The following REELD1 variants were observed in gnomAD, a reference collection of about 807,000 sequenced individuals.
REELD1 encodes the protein reelin domain-containing protein 1.
In REELD1, 12 loss-of-function variants were observed where a neutral mutation model predicts 6.3. That is an observed-to-expected ratio of 1.89 (90% confidence interval 1.21 to 3.07). The LOEUF is 3.07. Among genes scored for constraint, REELD1 ranks in the 30% most tolerant of loss-of-function variants. The pLI, the probability that REELD1 is intolerant of heterozygous loss-of-function variation, is 0.00. For synonymous variants in REELD1, 57 were observed against 33.6 expected (o/e 1.70, Z -2.42); for missense variants, 163 against 86.8 (o/e 1.88, Z -3.49).
rs536282263 is a variant in REELD1 at position 146,230,199 on chromosome 4, C to T, written c.1267C>T (p.Arg423Trp). The T allele has an allele frequency of 3.2e-4, 127 of 398,800 alleles. No homozygotes were observed. The highest frequency in any genetic ancestry group is 2.8e-3 in the East Asian group (80 of 28,076). 24.7% of individuals were successfully genotyped at this position (398,800 alleles called of 1,614,324 possible). A position where few individuals can be genotyped will look rare whatever the true frequency, so the allele number is the denominator to read the frequency against. Residue 423 changes from arginine (R) to tryptophan (W), a missense_variant, in exon 8 of 8, where the codon CGG becomes TGG. Arg to Trp is a moderately radical substitution (Grantham distance 101). Coordinates refer to ENST00000623665, the MANE Select transcript of REELD1 (RefSeq NM_001354631.1). ...GGGATACCCTCGGCAGACCAACCCA[C>T]GGCCTGACATTGGGCTAGAGGGAGC... ...GVGYPRQTNPRPDIGLEGAQA... is the reference protein window; with the variant it reads ...GVGYPRQTNPWPDIGLEGAQA...
chr4:146,226,673 A>AAAGAG (rs1560726277), intron 5 of REELD1, among the ~76,000 whole-genome samples: 3 of 152,108 alleles, frequency 2.0e-5, no homozygotes, highest in Non-Finnish European at 4.4e-5. Context: ...TCTTTACACT[A>AAAGAG]TTGCATTGGG....
intron 4 of REELD1, among the ~76,000 whole-genome samples, chr4:146,223,452 C>T (rs553547635): frequency 3.6e-4 from 55 of 152,324 alleles, no homozygotes; most frequent in African/African-American, 1.2e-3. Context: ...GCCCAGGGCC[C>T]GCTTACCTGT....
rs188769264 is a variant in REELD1 at position 146,223,608 on chromosome 4, G to A, written c.432-837G>A. ...TTGGATGTACCATCATAGTTGCTGC[G>A]TGCCACATAGCAAGTAGTGTAGAAG... On this transcript the variant is annotated intron_variant, in intron 4 of 7. Coordinates refer to ENST00000623665, the MANE Select transcript of REELD1 (RefSeq NM_001354631.1). Among the ~76,000 whole-genome samples the A allele has an allele frequency of 1.7e-4, 26 of 152,300 alleles. No individual in the cohort carries two copies. In the East Asian group the frequency reaches 3.7e-3, roughly 21 times the overall value.
In REELD1 at chr4:146,231,622, G is replaced by A. The variant is rs79305644; in HGVS notation, c.*1109G>A. Among the ~76,000 whole-genome samples, 376 of 152,210 alleles carry A rather than the reference G, an allele frequency of 2.5e-3. 2 individuals carry two copies. Among genetic ancestry groups the A allele is most frequent in the African/African-American group, 7.9e-3 (330 of 41,516 alleles). Reference sequence around the variant, plus strand: ...CAGAAACAAAAATCACTACAAATTCGGAAAGGATATTTGTTTATTGAACAC... The same window carrying A: ...CAGAAACAAAAATCACTACAAATTCAGAAAGGATATTTGTTTATTGAACAC... On this transcript the variant is annotated 3_prime_UTR_variant, in exon 8 of 8. Transcript: ENST00000623665.
At position 146,230,577 on chromosome 4, in the gene REELD1, G is replaced by A; in HGVS notation, c.*64G>A. On this transcript the variant is annotated 3_prime_UTR_variant, in exon 8 of 8. Transcript: ENST00000623665. ...GGCCCTGGAGAGTGTCCCAGACAGA[G>A]CAGAGATAATGAGAATAACTGATGA... is the stretch of plus-strand genomic sequence containing the variant. 1 of 398,020 alleles carries A rather than the reference G, an allele frequency of 2.5e-6. No individual in the cohort carries two copies. 24.7% of individuals were successfully genotyped at this position (398,020 alleles called of 1,614,324 possible).
Position 146,229,894 on chromosome 4 carries a change from T to C in REELD1, c.973-11T>C, listed in dbSNP as rs1484720227. 1 of 398,502 alleles carries C rather than the reference T, an allele frequency of 2.5e-6. No individual in the cohort carries two copies. Among genetic ancestry groups the C allele is most frequent in the African/African-American group, 2.1e-5 (1 of 48,610 alleles). The allele number at this position is 398,502 out of a possible 1,614,324, so 24.7% of individuals were successfully genotyped here. A position where few individuals can be genotyped will look rare whatever the true frequency, so the allele number is the denominator to read the frequency against. On this transcript the variant is annotated splice_polypyrimidine_tract_variant and intron_variant, in intron 7 of 7. Coordinates refer to ENST00000623665, the MANE Select transcript of REELD1 (RefSeq NM_001354631.1). The stretch of plus-strand genomic sequence containing the variant: ...AGTACCTTTGACTCTTTTTTCCCTT[T>C]GTTTTTCTAGGACAAGACGAAGGCC...
At chr4:146,227,540 G>A (rs1380843993) in intron 5 of REELD1, among the ~76,000 whole-genome samples, 2 of 152,186 alleles carry the variant, frequency 1.3e-5, no homozygotes, top group Middle Eastern at 3.2e-3. Context: ...TCCTATGCTG[G>A]CCTCATTTTG....
rs973184941 is a variant in REELD1, at chr4:146,231,597, C to T, written c.*1084C>T. Among the ~76,000 whole-genome samples, 3 of 152,148 alleles carry T rather than the reference C, an allele frequency of 2.0e-5. No homozygotes were observed. Among genetic ancestry groups the T allele is most frequent in the Non-Finnish European group, 4.4e-5 (3 of 68,034 alleles). On this transcript the variant is annotated 3_prime_UTR_variant, in exon 8 of 8. Transcript: ENST00000623665. ...CTATTATAGAGTCATCATTTTAATG[C>T]AGAAACAAAAATCACTACAAATTCG...
At chr4:146,222,213 A>C (rs939166888) in intron 3 of REELD1, 144 bp from the exon 4 acceptor site, 6 of 396,948 alleles carry the variant, frequency 1.5e-5, no homozygotes, top group Non-Finnish European at 2.2e-5. Context: ...GGTGTGAAAT[A>C]GGACTTCAAC....
rs921069809 is a variant in REELD1, at chr4:146,231,250, A to G, written c.*737A>G. ...GGTGTAAATGGATCTGAGACCTCCC[A>G]TCCATTTACACTTGATGGAAACATT... On this transcript the variant is annotated 3_prime_UTR_variant, in exon 8 of 8. Transcript: ENST00000623665. Among the ~76,000 whole-genome samples the G allele has an allele frequency of 6.6e-6, 1 of 152,232 alleles. No homozygotes were observed. The highest frequency in any genetic ancestry group is 2.1e-4 in the South Asian group (1 of 4,832).
intron 5 of REELD1, among the ~76,000 whole-genome samples, chr4:146,227,251 G>A (rs572034134): frequency 6.6e-6 from 1 of 152,302 alleles, no homozygotes; most frequent in East Asian, 1.9e-4. Context: ...GAAACTATCA[G>A]TTTGCCATGT....
chr4:146,226,798 T>C (rs547668574), intron 5 of REELD1, among the ~76,000 whole-genome samples: 1 of 152,342 alleles, frequency 6.6e-6, no homozygotes, highest in Admixed American at 6.5e-5. Context: ...TGAGACAGAA[T>C]CTCTCTCTGC....
chr4:146,228,952 CTG>C, intron 6 of REELD1, 71 bp from the exon 7 acceptor site: 1 of 700,424 alleles, frequency 1.4e-6, no homozygotes, highest in East Asian at 2.7e-5. Context: ...GCATACACAA[CTG>C]TGGTAGGAAA....
At chr4:146,224,676 T>C in intron 5 of REELD1, 68 bp downstream of exon 5, 1 of 677,780 alleles carries the variant, frequency 1.5e-6, no homozygotes, top group Non-Finnish European at 2.7e-6. Context: ...TATTTTCACT[T>C]AAAAGTTACT....
chr4:146,230,108 C>T lies in REELD1; in HGVS notation c.1176C>T (p.Ala392=). The change falls in exon 8 of 8, where the codon GCC becomes GCT. Residue 392 remains alanine, a synonymous_variant. Transcript: ENST00000623665. ...GDQSEASRAS[A]SFLPQSKHKE... Reference sequence around the variant, plus strand: ...AGTCAGAGGCATCCAGGGCCTCTGCCAGCTTCTTACCTCAGTCAAAGCACA... The same window carrying T: ...AGTCAGAGGCATCCAGGGCCTCTGCTAGCTTCTTACCTCAGTCAAAGCACA... The T allele has an allele frequency of 2.5e-6, 1 of 398,868 alleles. No individual in the cohort carries two copies. Among genetic ancestry groups the T allele is most frequent in the Admixed American group, 4.4e-5 (1 of 22,742 alleles). The allele number at this position is 398,868 out of a possible 1,614,324, so 24.7% of individuals were successfully genotyped here. A position where few individuals can be genotyped will look rare whatever the true frequency, so the allele number is the denominator to read the frequency against.
chr4:146,216,006 C>T (rs1045445570), intron 2 of REELD1, among the ~76,000 whole-genome samples: 4 of 152,190 alleles, frequency 2.6e-5, no homozygotes, highest in African/African-American at 9.7e-5. Flanking sequence ...CTGCCTCGGC[C>T]TCCCAAAGTG....
chr4:146,229,171 A>G, intron 7 of REELD1, 83 bp downstream of exon 7: 1 of 673,660 alleles, frequency 1.5e-6, no homozygotes, highest in Non-Finnish European at 2.7e-6. Flanking sequence ...AATCAGAGCT[A>G]TTAGACTAGT....
At position 146,230,135 on chromosome 4, in the gene REELD1, G is replaced by A. The variant is rs955401044; in HGVS notation, c.1203G>A (p.Lys401=). 6 of 398,726 alleles carry A rather than the reference G, an allele frequency of 1.5e-5. No individual in the cohort carries two copies. Among genetic ancestry groups the A allele is most frequent in the Non-Finnish European group, 2.7e-5 (6 of 226,268 alleles). The allele number at this position is 398,726 out of a possible 1,614,324, so 24.7% of individuals were successfully genotyped here. A position where few individuals can be genotyped will look rare whatever the true frequency, so the allele number is the denominator to read the frequency against. The change falls in exon 8 of 8, where the codon AAG becomes AAA. Residue 401 remains lysine, a synonymous_variant. Coordinates refer to ENST00000623665, the MANE Select transcript of REELD1 (RefSeq NM_001354631.1). The part of the protein sequence containing the change: ...SASFLPQSKH[K]ELRAGKGNGE... ...GCTTCTTACCTCAGTCAAAGCACAAGGAGCTCAGAGCAGGGAAGGGAAATG... is the reference window on the plus strand; with the variant it reads ...GCTTCTTACCTCAGTCAAAGCACAAAGAGCTCAGAGCAGGGAAGGGAAATG...
rs76256963 is a variant in REELD1 at position 146,229,912 on chromosome 4, C to T, written c.980C>T (p.Thr327Met). The T allele has an allele frequency of 4.5e-4, 179 of 398,618 alleles. No homozygotes were observed. The highest frequency in any genetic ancestry group is 6.3e-4 in the Middle Eastern group (1 of 1,590). The allele number at this position is 398,618 out of a possible 1,614,324, so 24.7% of individuals were successfully genotyped here. A position where few individuals can be genotyped will look rare whatever the true frequency, so the allele number is the denominator to read the frequency against. The change falls in exon 8 of 8, where the codon ACG (threonine) becomes ATG (methionine). Residue 327 changes from threonine (T) to methionine (M), a missense_variant. Coordinates refer to ENST00000623665, the MANE Select transcript of REELD1 (RefSeq NM_001354631.1). ...LSSDGGEQDKTKASNRTVTQP... is the reference protein window; with the variant it reads ...LSSDGGEQDKMKASNRTVTQP... Reference sequence around the variant, plus strand: ...TTCCCTTTGTTTTTCTAGGACAAGACGAAGGCCTCTAACAGGACCGTGACA... The same window carrying T: ...TTCCCTTTGTTTTTCTAGGACAAGATGAAGGCCTCTAACAGGACCGTGACA...
Sources: gnomAD v4.1 joint callset for allele counts (sites outside exome capture counted in the v4.1 genomes callset) on GRCh38, gnomAD v4.1.1 for gene constraint, MANE v1.5 for transcripts, NCBI Gene and HGNC (gene_info 2026-07-23, HGNC 2026-07-21) for gene names.